The following GLT6D1 variants were observed in gnomAD, a reference collection of about 807,000 sequenced individuals.
The protein encoded by GLT6D1 is glycosyltransferase 6 domain containing 1, also known as putative glycosyltransferase 6 domain-containing protein 1.
In GLT6D1, 9 loss-of-function variants were observed where a neutral mutation model predicts 12.3. The observed-to-expected ratio is 0.73, with a 90% CI of 0.44 to 1.27. GLT6D1 has a LOEUF of 1.27. Among genes scored for constraint, GLT6D1 ranks in the 50% most tolerant of loss-of-function variants. The pLI, the probability that GLT6D1 is intolerant of heterozygous loss-of-function variation, is 0.00. For missense variants in GLT6D1, 335 were observed against 346.2 expected (o/e 0.97, Z 0.26); for synonymous variants, 128 against 132.3 (o/e 0.97, Z 0.23).
At chr9:135,627,336 A>G (rs139134998) in intron 3 of GLT6D1, among the ~76,000 whole-genome samples, 5 of 152,356 alleles carry the variant, frequency 3.3e-5, no homozygotes, top group African/African-American at 1.2e-4. Context: ...TACTATGAAC[A>G]ATGAACATGC....
chr9:135,626,101 G>C lies in GLT6D1; in HGVS notation c.225C>G (p.Ile75Met). 6.2e-7 allele frequency: 1 copy of C among 1,614,116 alleles called. No homozygotes were observed. Among genetic ancestry groups the C allele is most frequent in the Non-Finnish European group, 8.5e-7 (1 of 1,180,002 alleles). The change falls in exon 4 of 5, where the codon ATC (isoleucine) becomes ATG (methionine). Residue 75 changes from isoleucine to methionine, a missense_variant. Transcript: ENST00000371763. ...VLEKHYRRRN[I>M]TVGLAVFATG... ...TAGCAAAGACGGCCAGGCCCACAGT[G>C]ATATTCCGCCTTCTGTAATGTTTTT...
At chr9:135,636,864 T>G (rs1168024861) in intron 2 of GLT6D1, among the ~76,000 whole-genome samples, 1 of 152,184 alleles carries the variant, frequency 6.6e-6, no homozygotes, top group Non-Finnish European at 1.5e-5. Context: ...TTTTCTTTTT[T>G]TTGGGGGGAT....
chr9:135,640,260 A>T (rs955255284), upstream of GLT6D1, among the ~76,000 whole-genome samples: 1 of 152,216 alleles, frequency 6.6e-6, no homozygotes, highest in Non-Finnish European at 1.5e-5. Context: ...AAAGAAAATA[A>T]TTTACCATCT....
At chr9:135,639,262 A>C in intron 1 of GLT6D1, 31 bp downstream of exon 1, 2 of 845,252 alleles carry the variant, frequency 2.4e-6, no homozygotes, top group Non-Finnish European at 1.9e-6. Context: ...TCATCTAACA[A>C]TGGGTTAATG....
chr9:135,637,912 A>G (rs949257990), intron 2 of GLT6D1, among the ~76,000 whole-genome samples: 5 of 152,326 alleles, frequency 3.3e-5, no homozygotes, highest in African/African-American at 1.2e-4. Context: ...GCCTCTGGAA[A>G]CACTGCATTG....
chr9:135,631,502 T>A (rs757803114), intron 2 of GLT6D1, 24 bp from the exon 3 acceptor site: 2 of 1,568,972 alleles, frequency 1.3e-6, no homozygotes, highest in South Asian at 1.1e-5. Context: ...GAAAATCAAG[T>A]GATTGCAAGG....
chr9:135,632,054 T>A (rs6537908), intron 2 of GLT6D1, among the ~76,000 whole-genome samples: 115,025 of 151,896 alleles, frequency 0.76, 43,734 homozygotes, highest in East Asian at 0.95. Flanking sequence ...CACTGCGTTC[T>A]TCTAGAGTGT....
At chr9:135,637,142 G>A (rs530420042) in intron 2 of GLT6D1, among the ~76,000 whole-genome samples, 112 of 151,956 alleles carry the variant, frequency 7.4e-4, no homozygotes, top group African/African-American at 2.4e-3. Context: ...ATGAGCCACC[G>A]TGCCCGGCCA....
chr9:135,628,756 C>T (rs530034585), intron 3 of GLT6D1, among the ~76,000 whole-genome samples: 1 of 151,950 alleles, frequency 6.6e-6, no homozygotes, highest in East Asian at 1.9e-4. Context: ...AATGTATTTA[C>T]TTATTATAGC....
chr9:135,627,853 C>T (rs914498487), intron 3 of GLT6D1, among the ~76,000 whole-genome samples: 2 of 152,110 alleles, frequency 1.3e-5, no homozygotes, highest in African/African-American at 4.8e-5. Flanking sequence ...TTATTCCAGC[C>T]ATCCTACTTT....
Position 135,626,056 on chromosome 9 carries a change from G to A in GLT6D1, c.257+13C>T, listed in dbSNP as rs919298988. On this transcript the variant is annotated intron_variant, in intron 4 of 4. Transcript: ENST00000371763. ...TCCCAAAATAAAAAAGGGCAAAGGTGAGTGGCACCTACCTGCCAGTAGCAA... is the reference window on the plus strand; with the variant it reads ...TCCCAAAATAAAAAAGGGCAAAGGTAAGTGGCACCTACCTGCCAGTAGCAA... 1 of 1,613,764 alleles carries A rather than the reference G, an allele frequency of 6.2e-7. No individual in the cohort carries two copies. The highest frequency in any genetic ancestry group is 1.7e-4 in the Middle Eastern group (1 of 6,038).
At chr9:135,628,861 A>G (rs1042844982) in intron 3 of GLT6D1, among the ~76,000 whole-genome samples, 2 of 152,050 alleles carry the variant, frequency 1.3e-5, no homozygotes, top group Non-Finnish European at 1.5e-5. Context: ...TAATCACAGT[A>G]TTCACTTATA....
chr9:135,633,159 G>A (rs1011112788), intron 2 of GLT6D1, among the ~76,000 whole-genome samples: 31 of 152,166 alleles, frequency 2.0e-4, no homozygotes, highest in Non-Finnish European at 1.2e-4. Context: ...TTAGTACCCA[G>A]TTGACCCCCT....
In GLT6D1 at chr9:135,624,591, T is replaced by C. The variant is rs1478440309; in HGVS notation, c.337A>G (p.Ile113Val). Residue 113 changes from isoleucine to valine, a missense_variant, in exon 5 of 5, where the codon ATC becomes GTC. Ile to Val is a conservative substitution (Grantham distance 29, BLOSUM62 3). Coordinates refer to ENST00000371763, the MANE Select transcript of GLT6D1 (RefSeq NM_182974.3). ...AGCTTGAAGAAGGCGTCCACCATGA[T>C]GTAGAAGATCACTCGGTAGCCTGTC... ...FMTGYRVIFY[I>V]MVDAFFKLPD... 4 of 1,613,458 alleles carry C rather than the reference T, an allele frequency of 2.5e-6. No homozygotes were observed. The highest frequency in any genetic ancestry group is 1.6e-4 in the Middle Eastern group (1 of 6,084).
chr9:135,635,428 T>C (rs999838385), intron 2 of GLT6D1, among the ~76,000 whole-genome samples: 3 of 152,236 alleles, frequency 2.0e-5, no homozygotes, highest in African/African-American at 4.8e-5. Context: ...CCTTGGTCGC[T>C]TTCCTGGAGA....
At chr9:135,625,943 A>T in intron 4 of GLT6D1, 126 bp downstream of exon 4, 1 of 1,068,352 alleles carries the variant, frequency 9.4e-7, no homozygotes, top group Non-Finnish European at 1.4e-6. Context: ...GTTTCTCCCC[A>T]GAAATCGTGG....
chr9:135,635,054 G>A (rs919609285), intron 2 of GLT6D1, among the ~76,000 whole-genome samples: 3 of 152,166 alleles, frequency 2.0e-5, no homozygotes, highest in African/African-American at 7.2e-5. Context: ...GCATATGGGA[G>A]ATTTGTCTCT....
rs1833444956 is a variant in GLT6D1, at chr9:135,624,525, A to T, written c.403T>A (p.Phe135Ile). 1 of 1,613,898 alleles carries T rather than the reference A, an allele frequency of 6.2e-7. No individual in the cohort carries two copies. The highest frequency in any genetic ancestry group is 1.1e-5 in the South Asian group (1 of 91,076). Residue 135 changes from phenylalanine to isoleucine, a missense_variant, in exon 5 of 5, where the codon TTT (phenylalanine) becomes ATT (isoleucine). Phe to Ile is a conservative substitution (Grantham distance 21, BLOSUM62 0). Transcript: ENST00000371763. Reference sequence around the variant, plus strand: ...CACCACCTCTCGGTGCCCACTTTAAATGCTTTGAACGTTCGAAGAGGACTG... The same window carrying T: ...CACCACCTCTCGGTGCCCACTTTAATTGCTTTGAACGTTCGAAGAGGACTG... Reference protein sequence around the residue: ...EPSPLRTFKAFKVGTERWWLD... With the variant: ...EPSPLRTFKAIKVGTERWWLD...
chr9:135,625,935 T>A (rs1833503698), intron 4 of GLT6D1, 134 bp downstream of exon 4: 3 of 992,422 alleles, frequency 3.0e-6, no homozygotes, highest in Non-Finnish European at 4.4e-6. Context: ...GTAAGTTTGT[T>A]TCTCCCCAGA....
Sources: gnomAD v4.1 joint callset for allele counts (sites outside exome capture counted in the v4.1 genomes callset) on GRCh38, gnomAD v4.1.1 for gene constraint, MANE v1.5 for transcripts, NCBI Gene and HGNC (gene_info 2026-07-23, HGNC 2026-07-21) for gene names.